Variants in NISCH observed in about 807,000 individuals in gnomAD.
NISCH encodes nischarin, also known as I-1 receptor candidate protein.
NISCH carries 55 observed loss-of-function variants against 138.4 expected under a neutral mutation model. The ratio of observed to expected loss-of-function variants is 0.40; its 90% CI spans 0.32 to 0.50. The LOEUF (loss-of-function observed/expected upper bound fraction) is 0.50. NISCH is among the 20% of genes least tolerant of loss of function. NISCH has a pLI of 0.71. For missense variants in NISCH, 1,643 were observed against 2,005.5 expected, an observed-to-expected ratio of 0.82 and a Z score of 3.45; for synonymous variants, 860 against 861.5, an observed-to-expected ratio of 1.00 and a Z score of 0.03.
chr3:52,473,397 T>C (rs1003285965), intron 6 of NISCH, among the ~76,000 whole-genome samples: 5 of 152,186 alleles, frequency 3.3e-5, no homozygotes, highest in Non-Finnish European at 5.9e-5. Flanking sequence ...CCCCACTCGC[T>C]GTGCTGTGGA....
chr3:52,487,062 C>T lies in NISCH; in HGVS notation c.1704-134C>T, dbSNP rs1226635370. On this transcript the variant is annotated intron_variant, in intron 15 of 20. Transcript: ENST00000345716. This position sits in a 1 kb window ranked among gnomAD's most constrained non-coding sequence, Gnocchi z 9.1. ...GCCCTCATCCTGGGAACTGACTTGG[C>T]CATGTGGGAGGCTTGGGAGACCCAT... 1 of 1,000,844 alleles carries T rather than the reference C, an allele frequency of 1.0e-6. No homozygotes were observed. The highest frequency in any genetic ancestry group is 1.4e-6 in the Non-Finnish European group (1 of 691,324). The allele number at this position is 1,000,844 out of a possible 1,614,324, so 62.0% of individuals were successfully genotyped here.
chr3:52,480,367 T>G, intron 13 of NISCH, 72 bp downstream of exon 13: 2 of 1,591,050 alleles, frequency 1.3e-6, no homozygotes, highest in South Asian at 2.3e-5. Flanking sequence ...GGGCTGGGGT[T>G]GGGGGAGAGG....
intron 10 of NISCH, 24 bp from the exon 11 acceptor site, chr3:52,478,425 G>A: frequency 6.2e-7 from 1 of 1,614,126 alleles, no homozygotes; most frequent in South Asian, 1.1e-5. Context: ...AGGGACCAAA[G>A]GGGATGGAAC....
rs559592612 is a variant in NISCH, at chr3:52,477,691, G to A, written c.987+49G>A. 4.6e-5 allele frequency: 69 copies of A among 1,494,710 alleles called. No individual in the cohort carries two copies. In the South Asian group the frequency reaches 7.0e-4, roughly 15 times the overall value. The allele number at this position is 1,494,710 out of a possible 1,614,324, so 92.6% of individuals were successfully genotyped here. ...TGCCCGCACACACTCCCAAGGCCCC[G>A]CCCTGAGATTTCAGGAGACTGACGC... On this transcript the variant is annotated intron_variant, in intron 9 of 20. Coordinates refer to ENST00000345716, the MANE Select transcript of NISCH (RefSeq NM_007184.4).
chr3:52,480,215 C>G lies in NISCH; in HGVS notation c.1448C>G (p.Pro483Arg), dbSNP rs1312091513. The G allele has an allele frequency of 1.9e-6, 3 of 1,613,874 alleles. No homozygotes were observed. The highest frequency in any genetic ancestry group is 2.5e-6 in the Non-Finnish European group (3 of 1,180,030). The change falls in exon 13 of 21, where the codon CCC becomes CGC. Residue 483 changes from proline (P) to arginine (R), a missense_variant. By Grantham distance (103) the Pro-to-Arg change is moderately radical. Coordinates refer to ENST00000345716, the MANE Select transcript of NISCH (RefSeq NM_007184.4). ...GAAGACTCCCGGCTCTCAGCTGCCC[C>G]CTGCATCAGACCCAGCAGCTCCCCT... Reference protein sequence around the residue: ...GGEDSRLSAAPCIRPSSSPPT... With the variant: ...GGEDSRLSAARCIRPSSSPPT...
chr3:52,482,449 G>A (rs1271479327), intron 13 of NISCH, among the ~76,000 whole-genome samples: 1 of 152,236 alleles, frequency 6.6e-6, no homozygotes, highest in African/African-American at 2.4e-5. Flanking sequence ...AGGCTGTGTG[G>A]AGAGGTGGTT....
chr3:52,459,579 T>G (rs901432347), intron 3 of NISCH, among the ~76,000 whole-genome samples: 3 of 151,834 alleles, frequency 2.0e-5, no homozygotes, highest in Non-Finnish European at 1.5e-5. Context: ...GACTACAGAC[T>G]TGCACCACCA....
In NISCH at chr3:52,484,080, G is replaced by A. The variant is rs570391387; in HGVS notation, c.1529-433G>A. On this transcript the variant is annotated intron_variant, in intron 13 of 20. Transcript: ENST00000345716. ...TGTCTGTTCACGTCCTTTGCAGTCT[G>A]TTAATGAGGTTTCCAACCTTCCCTC... The A allele has an allele frequency of 1.8e-4, 29 of 164,930 alleles. No homozygotes were observed. The South Asian group carries it at 4.1e-3, about 24-fold the overall frequency. The allele number at this position is 164,930 out of a possible 1,614,324, so 10.2% of individuals were successfully genotyped here. A position where few individuals can be genotyped will look rare whatever the true frequency, so the allele number is the denominator to read the frequency against.
At chr3:52,480,619 C>G in intron 13 of NISCH, 1 of 1,426,868 alleles carries the variant, frequency 7.0e-7, no homozygotes. Flanking sequence ...GGACCCATTC[C>G]CTCACCGGCA....
chr3:52,471,506 C>T (rs1706945076), intron 4 of NISCH: 2 of 489,982 alleles, frequency 4.1e-6, no homozygotes, highest in South Asian at 4.8e-5. Flanking sequence ...ACCCAGAATG[C>T]TGTCCCTCTC....
intron 4 of NISCH, 25 bp downstream of exon 4, chr3:52,470,932 T>C: frequency 1.2e-6 from 2 of 1,612,872 alleles, no homozygotes; most frequent in Non-Finnish European, 1.7e-6. Flanking sequence ...GTCCCTGAAA[T>C]ACTGAGCATA....
chr3:52,468,303 G>C (rs1578283919), intron 3 of NISCH, among the ~76,000 whole-genome samples: 1 of 152,134 alleles, frequency 6.6e-6, no homozygotes, highest in Non-Finnish European at 1.5e-5. Context: ...GTTCAGTACT[G>C]ATCGTGGGGA....
chr3:52,466,092 T>C (rs1706772204), intron 3 of NISCH, among the ~76,000 whole-genome samples: 1 of 152,256 alleles, frequency 6.6e-6, no homozygotes. Context: ...TAATTTGTTT[T>C]AGTTGCAAAG....
At chr3:52,460,239 A>C (rs1193756787) in intron 3 of NISCH, among the ~76,000 whole-genome samples, 1 of 149,972 alleles carries the variant, frequency 6.7e-6, no homozygotes, top group Non-Finnish European at 1.5e-5. Context: ...GGCTGAGCAC[A>C]GTGGCTCATG....
chr3:52,458,880 A>G, intron 3 of NISCH, 36 bp downstream of exon 3: 1 of 1,548,370 alleles, frequency 6.5e-7, no homozygotes, highest in Non-Finnish European at 8.7e-7. Flanking sequence ...TGTGCCTGCA[A>G]ACCCACAACT....
At chr3:52,459,723 C>T (rs971052982) in intron 3 of NISCH, among the ~76,000 whole-genome samples, 4 of 151,666 alleles carry the variant, frequency 2.6e-5, no homozygotes, top group Non-Finnish European at 5.9e-5. Flanking sequence ...CGTGTGCCAC[C>T]GCACCTGGCC....
At chr3:52,481,751 T>G in intron 13 of NISCH, 1 of 985,500 alleles carries the variant, frequency 1.0e-6, no homozygotes, top group Non-Finnish European at 1.2e-6. Flanking sequence ...CCCCCCACAT[T>G]GTCGGAGAAG....
chr3:52,472,086 G>A, intron 5 of NISCH, 109 bp downstream of exon 5: 1 of 1,275,554 alleles, frequency 7.8e-7, no homozygotes, highest in Non-Finnish European at 1.1e-6. Flanking sequence ...GACTGTTGGT[G>A]GAAGGAAGGC....
intron 13 of NISCH, among the ~76,000 whole-genome samples, chr3:52,482,971 G>A (rs1192123540): frequency 6.6e-6 from 1 of 152,176 alleles, no homozygotes; most frequent in Non-Finnish European, 1.5e-5. Context: ...GGATGGTGTG[G>A]GGCTTTTGTA....
Sources: allele counts gnomAD v4.1 joint callset (sites outside exome capture counted in the v4.1 genomes callset), GRCh38; gene constraint gnomAD v4.1.1; non-coding constraint Gnocchi (gnomAD v3.1); transcripts MANE v1.5; gene names NCBI Gene and HGNC (gene_info 2026-07-23, HGNC 2026-07-21).